The following MBTD1 variants were observed in gnomAD, a reference collection of about 807,000 sequenced individuals.
MBTD1 encodes the protein MBT domain-containing protein 1.
MBTD1 carries 24 observed loss-of-function variants against 87.8 expected under a neutral mutation model. The ratio of observed to expected loss-of-function variants is 0.27; its 90% CI spans 0.20 to 0.38. MBTD1 has a LOEUF of 0.38. Ranked by LOEUF, MBTD1 falls within the 10% of genes least tolerant of loss-of-function variation. The probability of loss-of-function intolerance (pLI) is 1.00; values close to 1 mark genes in which losing one functional copy is unlikely to be tolerated. For missense variants in MBTD1, 436 were observed against 760.2 expected, an observed-to-expected ratio of 0.57 and a Z score of 5.02; for synonymous variants, 237 against 248.6, an observed-to-expected ratio of 0.95 and a Z score of 0.44.
At chr17:51,220,134 G>A (rs2052803687) in intron 4 of MBTD1, among the ~76,000 whole-genome samples, 196 bp downstream of exon 4, 1 of 152,200 alleles carries the variant, frequency 6.6e-6, no homozygotes, top group African/African-American at 2.4e-5. Flanking sequence ...TGGATAGTAT[G>A]CCTTATCCAT....
chr17:51,207,085 C>G, intron 6 of MBTD1, 80 bp from the exon 7 acceptor site: 1 of 668,714 alleles, frequency 1.5e-6, no homozygotes, highest in Non-Finnish European at 2.6e-6. Context: ...GCAGTACCAT[C>G]AATAATAGGA....
intron 5 of MBTD1, among the ~76,000 whole-genome samples, chr17:51,218,242 C>T (rs900964925): frequency 1.3e-5 from 2 of 151,920 alleles, no homozygotes; most frequent in Non-Finnish European, 2.9e-5. Flanking sequence ...TATTAAAAAT[C>T]TTCTGGCTGG....
intron 2 of MBTD1, among the ~76,000 whole-genome samples, chr17:51,248,396 T>C (rs2054576185): frequency 6.6e-6 from 1 of 152,230 alleles, no homozygotes; most frequent in South Asian, 2.1e-4. Flanking sequence ...AGTACTTTTC[T>C]TATCATCATT....
At chr17:51,237,004 G>GA (rs1568221777) in intron 2 of MBTD1, among the ~76,000 whole-genome samples, 1 of 151,556 alleles carries the variant, frequency 6.6e-6, no homozygotes, top group African/African-American at 2.4e-5. Context: ...ACCCATAAAG[G>GA]AAAAAAAATT....
Position 51,179,482 on chromosome 17 carries a change from T to TATA in MBTD1, c.*1093_*1094insTAT, listed in dbSNP as rs1555673641. 2 of 31,640 alleles carry TATA rather than the reference T, an allele frequency of 6.3e-5. No individual in the cohort carries two copies. The highest frequency in any genetic ancestry group is 4.5e-4 in the Admixed American group (1 of 2,204). The allele number at this position is 31,640 out of a possible 1,614,324, so 2.0% of individuals were successfully genotyped here. ...AAATCCTGAATACAATTAAAGACAA[T>TATA]TTTATATATATATATATATATATAT... On this transcript the variant is annotated 3_prime_UTR_variant, in exon 17 of 17. Transcript: ENST00000586178.
chr17:51,186,881 A>C (rs1427081969), intron 16 of MBTD1, among the ~76,000 whole-genome samples: 1 of 152,138 alleles, frequency 6.6e-6, no homozygotes, highest in Non-Finnish European at 1.5e-5. Context: ...CAAAGGAAGG[A>C]AGAAAGGGTC....
At chr17:51,196,711 C>T (rs977078796) in intron 12 of MBTD1, among the ~76,000 whole-genome samples, 2 of 151,422 alleles carry the variant, frequency 1.3e-5, no homozygotes, top group Admixed American at 6.6e-5. Flanking sequence ...GCCAACATGG[C>T]GAAACCCAGT....
chr17:51,252,542 C>G (rs1209427479), intron 2 of MBTD1, among the ~76,000 whole-genome samples: 1 of 152,018 alleles, frequency 6.6e-6, no homozygotes, highest in Non-Finnish European at 1.5e-5. Flanking sequence ...TCCAGACCAG[C>G]CTGGCCAATA....
chr17:51,260,744 C>T, upstream of MBTD1: 1 of 1,585,208 alleles, frequency 6.3e-7, no homozygotes, highest in Non-Finnish European at 8.6e-7. Flanking sequence ...GCCGGCCCGG[C>T]CGAGCGCGGC....
At chr17:51,244,900 C>T (rs2054343382) in intron 2 of MBTD1, among the ~76,000 whole-genome samples, 1 of 151,966 alleles carries the variant, frequency 6.6e-6, no homozygotes, top group African/African-American at 2.4e-5. Context: ...TAATGCAGTT[C>T]TACAGAGCAT....
intron 13 of MBTD1, 98 bp downstream of exon 13, chr17:51,195,116 T>TA: frequency 9.6e-7 from 1 of 1,041,532 alleles, no homozygotes; most frequent in Non-Finnish European, 1.4e-6. Flanking sequence ...ATTATATACG[T>TA]ACTCAGGAAA....
At chr17:51,181,893 G>T (rs1344138814) in intron 16 of MBTD1, among the ~76,000 whole-genome samples, 1 of 152,158 alleles carries the variant, frequency 6.6e-6, no homozygotes, top group African/African-American at 2.4e-5. Context: ...CCAAAGTGCT[G>T]GGATTACAGG....
At chr17:51,189,891 G>GA (rs553791382) in intron 16 of MBTD1, among the ~76,000 whole-genome samples, 208 of 152,258 alleles carry the variant, frequency 1.4e-3, no homozygotes, top group African/African-American at 4.7e-3. Context: ...GCTCCCTAAA[G>GA]TTCTTTTAGG....
chr17:51,200,323 A>T (rs1028999219), intron 12 of MBTD1, among the ~76,000 whole-genome samples: 1 of 151,874 alleles, frequency 6.6e-6, no homozygotes, highest in Admixed American at 6.6e-5. Context: ...GCTACTCAGG[A>T]GGCTGAGGCA....
chr17:51,238,736 G>T (rs182750353), intron 2 of MBTD1, among the ~76,000 whole-genome samples: 1 of 152,172 alleles, frequency 6.6e-6, no homozygotes, highest in Non-Finnish European at 1.5e-5. Flanking sequence ...ACAGTGACTG[G>T]CTGGGAAGCT....
At position 51,179,517 on chromosome 17, in the gene MBTD1, TATATA is replaced by T. The variant is rs1379957123; in HGVS notation, c.*1054_*1058del. 5.9e-3 allele frequency: 622 copies of T among 105,618 alleles called. 29 individuals are homozygous for T. The highest frequency in any genetic ancestry group is 0.019 in the African/African-American group (589 of 30,248). The allele number at this position is 105,618 out of a possible 1,614,324, so 6.5% of individuals were successfully genotyped here. ...ATATATATATATATATATATATATA[TATATA>T]TATATATATATATATGGAATTTTAA... On this transcript the variant is annotated 3_prime_UTR_variant, in exon 17 of 17. Transcript: ENST00000586178.
At chr17:51,203,446 G>A (rs1031898420) in intron 8 of MBTD1, among the ~76,000 whole-genome samples, 5 of 151,864 alleles carry the variant, frequency 3.3e-5, no homozygotes, top group Admixed American at 2.0e-4. Context: ...ATGGAGTCTC[G>A]CTCTGTTGCC....
At chr17:51,229,615 T>C (rs567899297) in intron 2 of MBTD1, among the ~76,000 whole-genome samples, 5 of 151,918 alleles carry the variant, frequency 3.3e-5, no homozygotes, top group Non-Finnish European at 7.4e-5. Context: ...GGAGGTTATA[T>C]ACACGTTCTA....
chr17:51,187,850 A>AAAAG (rs1177636042), intron 16 of MBTD1, among the ~76,000 whole-genome samples: 8 of 143,636 alleles, frequency 5.6e-5, no homozygotes, highest in East Asian at 2.0e-4. Context: ...CTCTGTCTCA[A>AAAAG]AAAGAAAGAA....
Sources: allele counts gnomAD v4.1 joint callset (sites outside exome capture counted in the v4.1 genomes callset), GRCh38; gene constraint gnomAD v4.1.1; transcripts MANE v1.5; gene names NCBI Gene and HGNC (gene_info 2026-07-23, HGNC 2026-07-21).